Variants in NEK11 observed in about 807,000 individuals in gnomAD.
NEK11 encodes serine/threonine-protein kinase Nek11.
NEK11 carries 72 observed loss-of-function variants against 80.7 expected under a neutral mutation model. The observed-to-expected ratio is 0.89, with a 90% CI of 0.74 to 1.08. The LOEUF (loss-of-function observed/expected upper bound fraction) is 1.08. Among genes scored for constraint, NEK11 ranks in the 50% least tolerant of loss-of-function variants. The pLI is 0.00. For missense variants in NEK11, 764 were observed against 763.6 expected (o/e 1.00, Z -0.01); for synonymous variants, 251 against 260.7 (o/e 0.96, Z 0.36).
chr3:131,098,599 G>A (rs1423011451), intron 4 of NEK11, among the ~76,000 whole-genome samples: 1 of 146,008 alleles, frequency 6.8e-6, no homozygotes, highest in Non-Finnish European at 1.5e-5. Context: ...TTTTTTAGAT[G>A]GAGTCTCACT....
chr3:131,103,464 G>GTCTTCAT (rs780504797), intron 4 of NEK11, among the ~76,000 whole-genome samples: 1 of 152,204 alleles, frequency 6.6e-6, no homozygotes, highest in Non-Finnish European at 1.5e-5. Context: ...AGTTTGGGCT[G>GTCTTCAT]CAATCCAGTA....
At chr3:131,320,704 G>A (rs566632744) in intron 17 of NEK11, among the ~76,000 whole-genome samples, 1 of 152,176 alleles carries the variant, frequency 6.6e-6, no homozygotes, top group East Asian at 1.9e-4. Context: ...CTATAAGAAT[G>A]TCAGAATTCT....
At chr3:131,338,265 G>GTTTTTTT (rs1554023900) in intron 17 of NEK11, among the ~76,000 whole-genome samples, 3 of 91,606 alleles carry the variant, frequency 3.3e-5, no homozygotes, top group Non-Finnish European at 5.8e-5. Flanking sequence ...GCGCCCAGCT[G>GTTTTTTT]GTTTTTTTTT....
chr3:131,312,203 T>A (rs2096789173), intron 17 of NEK11, among the ~76,000 whole-genome samples: 1 of 152,226 alleles, frequency 6.6e-6, no homozygotes, highest in South Asian at 2.1e-4. Context: ...CCGATTTTTC[T>A]TGCCACTAAA....
chr3:131,258,434 G>A (rs775710043), intron 16 of NEK11, among the ~76,000 whole-genome samples: 1 of 152,164 alleles, frequency 6.6e-6, no homozygotes, highest in South Asian at 2.1e-4. Context: ...AGAAAAGCAG[G>A]TTTTGTTTTT....
intron 17 of NEK11, among the ~76,000 whole-genome samples, chr3:131,274,067 C>T (rs868239512): frequency 1.3e-4 from 20 of 150,420 alleles, no homozygotes; most frequent in South Asian, 4.3e-4. Flanking sequence ...ACTAACTCAT[C>T]GTCTAGCATT....
chr3:131,306,756 C>T (rs2096727721), intron 17 of NEK11, among the ~76,000 whole-genome samples: 1 of 152,188 alleles, frequency 6.6e-6, no homozygotes, highest in South Asian at 2.1e-4. Flanking sequence ...CCCATATTTA[C>T]TGGGATAACA....
At chr3:131,283,020 C>G (rs1346572536) in intron 17 of NEK11, among the ~76,000 whole-genome samples, 1 of 152,128 alleles carries the variant, frequency 6.6e-6, no homozygotes, top group Admixed American at 6.5e-5. Context: ...TCACCATATA[C>G]CTGTGAGGTG....
intron 3 of NEK11, among the ~76,000 whole-genome samples, chr3:131,065,632 G>C (rs929651419): frequency 6.6e-6 from 1 of 152,162 alleles, no homozygotes; most frequent in Non-Finnish European, 1.5e-5. Flanking sequence ...ACTTTCCCCA[G>C]AGTTTTTATA....
intron 3 of NEK11, among the ~76,000 whole-genome samples, chr3:131,047,107 T>G (rs1179208927): frequency 1.3e-5 from 2 of 152,244 alleles, no homozygotes; most frequent in African/African-American, 2.4e-5. Flanking sequence ...ATTTTGCATT[T>G]CTCTAAGTGT....
chr3:131,138,485 C>G (rs1458936914), intron 7 of NEK11, among the ~76,000 whole-genome samples: 1 of 152,172 alleles, frequency 6.6e-6, no homozygotes, highest in African/African-American at 2.4e-5. Context: ...CTAGGAAACT[C>G]ACACCTCTCA....
Position 131,234,908 on chromosome 3 carries a change from A to G in NEK11, c.1560+6220A>G, listed in dbSNP as rs1462561577. Among the ~76,000 whole-genome samples, 11 of 151,808 alleles carry G rather than the reference A, an allele frequency of 7.2e-5. No individual in the cohort carries two copies. The South Asian group carries it at 1.9e-3, about 26-fold the overall frequency. The stretch of plus-strand genomic sequence containing the variant: ...TGTGGGCTTTGTAGGAGGCTTAGTC[A>G]TTAAGTCTTTAAAATTAGGTCCATT... On this transcript the variant is annotated intron_variant, in intron 15 of 17. Transcript: ENST00000383366.
At chr3:131,239,315 T>G (rs1156269643) in intron 15 of NEK11, among the ~76,000 whole-genome samples, 1 of 152,156 alleles carries the variant, frequency 6.6e-6, no homozygotes, top group African/African-American at 2.4e-5. Context: ...CTGAGCAAGA[T>G]GAAGCTCAGC....
intron 17 of NEK11, among the ~76,000 whole-genome samples, chr3:131,278,147 T>G (rs2096331675): frequency 6.6e-6 from 1 of 152,200 alleles, no homozygotes; most frequent in Non-Finnish European, 1.5e-5. Context: ...ATGAAGTTGT[T>G]TAATATAAAT....
chr3:131,288,264 C>T (rs1323385985), intron 17 of NEK11, among the ~76,000 whole-genome samples: 1 of 152,100 alleles, frequency 6.6e-6, no homozygotes, highest in Non-Finnish European at 1.5e-5. Flanking sequence ...CTCCACATTG[C>T]AATGTTCTCT....
chr3:131,045,650 G>A (rs1460708357), intron 3 of NEK11, among the ~76,000 whole-genome samples: 2 of 152,068 alleles, frequency 1.3e-5, no homozygotes, highest in African/African-American at 4.8e-5. Flanking sequence ...AGTATGTCCT[G>A]TGGCTTTATT....
intron 17 of NEK11, among the ~76,000 whole-genome samples, chr3:131,306,204 T>C (rs947518201): frequency 6.6e-6 from 1 of 152,212 alleles, no homozygotes; most frequent in African/African-American, 2.4e-5. Flanking sequence ...AATTTCAACA[T>C]CCCTGCCTTG....
At chr3:131,259,258 TG>T (rs2095870394) in intron 16 of NEK11, among the ~76,000 whole-genome samples, 1 of 152,176 alleles carries the variant, frequency 6.6e-6, no homozygotes, top group Non-Finnish European at 1.5e-5. Flanking sequence ...CATCCTAATG[TG>T]GTTTGGCATT....
At chr3:131,289,337 C>G (rs919434514) in intron 17 of NEK11, among the ~76,000 whole-genome samples, 3 of 152,186 alleles carry the variant, frequency 2.0e-5, no homozygotes, top group African/African-American at 7.2e-5. Flanking sequence ...CCCTGGTCTA[C>G]AAATATACAA....
Sources: allele counts gnomAD v4.1 joint callset (sites outside exome capture counted in the v4.1 genomes callset), GRCh38; gene constraint gnomAD v4.1.1; transcripts MANE v1.5; gene names NCBI Gene and HGNC (gene_info 2026-07-23, HGNC 2026-07-21).